Variants in ABHD2 observed in about 807,000 individuals in gnomAD.
ABHD2 encodes abhydrolase domain containing 2, acylglycerol lipase, also known as monoacylglycerol lipase ABHD2.
A neutral mutation model predicts 48.1 loss-of-function variants in ABHD2; 20 were observed. The observed-to-expected ratio is 0.42, with a 90% CI of 0.29 to 0.60. The LOEUF (loss-of-function observed/expected upper bound fraction) is 0.60. ABHD2 is among the 20% of genes least tolerant of loss of function. The pLI is 0.24. For missense variants in ABHD2, 405 were observed against 550.9 expected (o/e 0.74, Z 2.65); for synonymous variants, 209 against 214.2 (o/e 0.98, Z 0.21).
At chr15:89,054,986 G>A in the ABHD2 span, among the ~76,000 whole-genome samples, 16 of 152,202 alleles carry the variant, frequency 1.1e-4, no homozygotes, top group Admixed American at 3.3e-4. Flanking sequence ...AGTAACTCGG[G>A]AGGCTGAGGT....
chr15:89,174,830 C>G lies in ABHD2; in HGVS notation c.539-982C>G, dbSNP rs2050985853. On this transcript the variant is annotated intron_variant, in intron 5 of 10. Transcript: ENST00000352732. The surrounding 1 kb of genome is among the most constrained non-coding windows in gnomAD (Gnocchi z 4.1). ...TTGTAATATGGCCATTCACCTCCTC[C>G]TCTTAGCAAAGCTGCTGAGACATAA... 6.6e-6 allele frequency among the ~76,000 whole-genome samples: 1 copy of G among 152,226 alleles called. No homozygotes were observed.
intron 3 of ABHD2, among the ~76,000 whole-genome samples, chr15:89,133,820 A>G (rs1315484815): frequency 6.9e-6 from 1 of 144,126 alleles, no homozygotes; most frequent in Non-Finnish European, 1.5e-5. Flanking sequence ...CCATAGTGGT[A>G]TTTGCCATGC....
the ABHD2 span, among the ~76,000 whole-genome samples, chr15:89,055,550 G>A: frequency 2.6e-5 from 4 of 151,960 alleles, no homozygotes; most frequent in Non-Finnish European, 2.9e-5. Flanking sequence ...GCCCAAGCTG[G>A]TCTTGAACTC....
At chr15:89,105,493 G>A (rs2049770482) in intron 1 of ABHD2, among the ~76,000 whole-genome samples, 1 of 152,244 alleles carries the variant, frequency 6.6e-6, no homozygotes, top group South Asian at 2.1e-4. Context: ...GTTATCACAT[G>A]AGTAGGTTTG....
intron 1 of ABHD2, chr15:89,093,638 C>T (rs971488435): frequency 2.6e-5 from 4 of 152,320 alleles, no homozygotes; most frequent in African/African-American, 9.7e-5. Flanking sequence ...CCAGGAAAAA[C>T]CAGCTCTCAC....
At chr15:89,183,187 T>C (rs2051140324) in intron 6 of ABHD2, 2 of 151,654 alleles carry the variant, frequency 1.3e-5, no homozygotes, top group Admixed American at 1.3e-4. Flanking sequence ...GATTGTCTCA[T>C]GGAAGTGCTG....
chr15:89,158,025 C>G (rs1180098505), intron 5 of ABHD2, among the ~76,000 whole-genome samples: 1 of 151,884 alleles, frequency 6.6e-6, no homozygotes, highest in Non-Finnish European at 1.5e-5. Flanking sequence ...TATAGATTGT[C>G]TATACAAGTA....
At position 89,185,017 on chromosome 15, in the gene ABHD2, G is replaced by A. The variant is rs9920091; in HGVS notation, c.723-407G>A. Among the ~76,000 whole-genome samples the A allele has an allele frequency of 6.6e-5, 10 of 152,264 alleles. No homozygotes were observed. The South Asian group carries it at 1.5e-3, about 22-fold the overall frequency. ...TTTTCCCCTCCACACCCACTCTCCC[G>A]TTCCATGTGCCAGTCATTAAACCAG... On this transcript the variant is annotated intron_variant, in intron 6 of 10. Coordinates refer to ENST00000352732, the MANE Select transcript of ABHD2 (RefSeq NM_152924.5). The surrounding 1 kb of genome is among the most constrained non-coding windows in gnomAD (Gnocchi z 5.9).
rs1283502553 is a variant in ABHD2, at chr15:89,091,100, C to G, written c.-107+2537C>G. On this transcript the variant is annotated intron_variant, in intron 1 of 10. Transcript: ENST00000352732. The surrounding 1 kb of genome is among the most constrained non-coding windows in gnomAD (Gnocchi z 5.5). ...ATGGTCTTTTTCCTCTCATTTTAGT[C>G]AGGGTCGTTCACTTTTTTCCCTTTT... 1.3e-5 allele frequency among the ~76,000 whole-genome samples: 2 copies of G among 152,200 alleles called. No homozygotes were observed. Among genetic ancestry groups the G allele is most frequent in the Non-Finnish European group, 2.9e-5 (2 of 68,028 alleles).
chr15:89,187,867 G>A (rs2051237178), intron 7 of ABHD2, among the ~76,000 whole-genome samples: 1 of 152,216 alleles, frequency 6.6e-6, no homozygotes, highest in Non-Finnish European at 1.5e-5. Context: ...CACAGTGTAA[G>A]GACGACGCCC....
intron 3 of ABHD2, among the ~76,000 whole-genome samples, chr15:89,149,262 A>C (rs947751082): frequency 1.3e-5 from 2 of 151,726 alleles, no homozygotes; most frequent in Admixed American, 6.6e-5. Flanking sequence ...GAATTACTGC[A>C]CCCCACTCTG....
At chr15:89,154,541 C>T (rs2050640946) in intron 4 of ABHD2, among the ~76,000 whole-genome samples, 1 of 152,180 alleles carries the variant, frequency 6.6e-6, no homozygotes, top group South Asian at 2.1e-4. Flanking sequence ...CTCAGTGGTA[C>T]CCACTCTCAA....
chr15:89,160,985 C>T (rs935255776), intron 5 of ABHD2, among the ~76,000 whole-genome samples: 1 of 152,144 alleles, frequency 6.6e-6, no homozygotes, highest in Non-Finnish European at 1.5e-5. Context: ...ATAATACTTA[C>T]TTTTCTCATC....
Position 89,167,540 on chromosome 15 carries a change from A to T in ABHD2, c.539-8272A>T, listed in dbSNP as rs1040795083. Among the ~76,000 whole-genome samples, 2 of 152,232 alleles carry T rather than the reference A, an allele frequency of 1.3e-5. No homozygotes were observed. The highest frequency in any genetic ancestry group is 4.1e-4 in the South Asian group (2 of 4,828). ...CAAGAGTGGTGAGTTCTGCACTTTCAGGATGATATCTGAATACTTAAACCT... is the reference window on the plus strand; with the variant it reads ...CAAGAGTGGTGAGTTCTGCACTTTCTGGATGATATCTGAATACTTAAACCT... On this transcript the variant is annotated intron_variant, in intron 5 of 10. Coordinates refer to ENST00000352732, the MANE Select transcript of ABHD2 (RefSeq NM_152924.5). The surrounding 1 kb of genome is among the most constrained non-coding windows in gnomAD (Gnocchi z 5.5).
rs1596170463 is a variant in ABHD2 at position 89,195,087 on chromosome 15, G to C, written c.1082-140G>C. 1.1e-6 allele frequency: 1 copy of C among 887,002 alleles called. No homozygotes were observed. The highest frequency in any genetic ancestry group is 1.7e-6 in the Non-Finnish European group (1 of 584,580). The allele number at this position is 887,002 out of a possible 1,614,324, so 54.9% of individuals were successfully genotyped here. Reference sequence around the variant, plus strand: ...TGCCTGCCCCCTCTTTGGTGAACAAGGCAGAGTGAGTAGAGGTTGGATGCC... The same window carrying C: ...TGCCTGCCCCCTCTTTGGTGAACAACGCAGAGTGAGTAGAGGTTGGATGCC... On this transcript the variant is annotated intron_variant, in intron 10 of 10. Coordinates refer to ENST00000352732, the MANE Select transcript of ABHD2 (RefSeq NM_152924.5). The surrounding 1 kb of genome is among the most constrained non-coding windows in gnomAD (Gnocchi z 5.1).
Position 89,201,631 on chromosome 15 carries a change from G to A in ABHD2, c.*6208G>A, listed in dbSNP as rs775777021. 2.0e-4 allele frequency: 311 copies of A among 1,592,544 alleles called. No individual in the cohort carries two copies. The highest frequency in any genetic ancestry group is 2.6e-4 in the Non-Finnish European group (303 of 1,160,436). ...CCACTGTTGGGCCTCACACAGTACC[G>A]GTGAGGCACGGTAGTCTTCACTTTG... On this transcript the variant is annotated 3_prime_UTR_variant, in exon 11 of 11. Coordinates refer to ENST00000352732, the MANE Select transcript of ABHD2 (RefSeq NM_152924.5).
chr15:89,054,702 A>AG, the ABHD2 span, among the ~76,000 whole-genome samples: 1 of 151,932 alleles, frequency 6.6e-6, no homozygotes, highest in East Asian at 1.9e-4. Flanking sequence ...AAGAAAAAAA[A>AG]AAGAAAAGGC....
intron 1 of ABHD2, among the ~76,000 whole-genome samples, chr15:89,103,519 C>A (rs993836125): frequency 1.1e-4 from 16 of 152,184 alleles, no homozygotes; most frequent in African/African-American, 3.6e-4. Flanking sequence ...GTTCCAAAAC[C>A]TTCGCCCCTG....
rs1331280525 is a variant in ABHD2 at position 89,198,133 on chromosome 15, TC to T, written c.*2715del. 6.6e-6 allele frequency: 1 copy of T among 152,146 alleles called. No individual in the cohort carries two copies. The highest frequency in any genetic ancestry group is 1.5e-5 in the Non-Finnish European group (1 of 68,024). The allele number at this position is 152,146 out of a possible 1,614,324, so 9.4% of individuals were successfully genotyped here. A position where few individuals can be genotyped will look rare whatever the true frequency, so the allele number is the denominator to read the frequency against. ...CATTCATTTCTGATGAGTATATGAA[TC>T]CCCCTCTTGCTAGTAAGGTTCTATT... On this transcript the variant is annotated 3_prime_UTR_variant, in exon 11 of 11. Coordinates refer to ENST00000352732, the MANE Select transcript of ABHD2 (RefSeq NM_152924.5). The surrounding 1 kb of genome is among the most constrained non-coding windows in gnomAD (Gnocchi z 5.1).
Sources: gnomAD v4.1 joint callset for allele counts (sites outside exome capture counted in the v4.1 genomes callset) on GRCh38, gnomAD v4.1.1 for gene constraint, Gnocchi (gnomAD v3.1) non-coding constraint, MANE v1.5 for transcripts, NCBI Gene and HGNC (gene_info 2026-07-23, HGNC 2026-07-21) for gene names.